Variants in PRR16 observed in about 807,000 individuals in gnomAD.
The protein encoded by PRR16 is proline rich 16.
PRR16 carries 6 observed loss-of-function variants against 18.2 expected under a neutral mutation model. That is an observed-to-expected ratio of 0.33 (90% CI 0.18 to 0.65). PRR16 has a LOEUF of 0.65. Among genes scored for constraint, PRR16 ranks in the 30% least tolerant of loss-of-function variants. PRR16 has a pLI of 0.74. For missense variants in PRR16, 412 were observed against 376.6 expected (o/e 1.09, Z -0.78); for synonymous variants, 151 against 147.8 (o/e 1.02, Z -0.16).
At chr5:120,745,644 C>CTTTGTTTTGT in the PRR16 span, among the ~76,000 whole-genome samples, 1 of 151,068 alleles carries the variant, frequency 6.6e-6, no homozygotes, top group Non-Finnish European at 1.5e-5. Flanking sequence ...GTGTTTGTTG[C>CTTTGTTTTGT]TTTGTTTTGT....
At chr5:120,697,661 A>C in the PRR16 span, among the ~76,000 whole-genome samples, 2 of 152,048 alleles carry the variant, frequency 1.3e-5, no homozygotes, top group African/African-American at 4.8e-5. Context: ...GAAGGGAGAT[A>C]AGGGTGGGGC....
chr5:120,522,642 G>A (rs147855261), intron 1 of PRR16, among the ~76,000 whole-genome samples: 3,454 of 152,252 alleles, frequency 0.023, 50 homozygotes, highest in Admixed American at 0.031. Flanking sequence ...GTCTCATTCT[G>A]TCGCCCAGGC....
At position 120,647,747 on chromosome 5, in the gene PRR16, G is replaced by T. The variant is rs559470030; in HGVS notation, c.160-38207G>T. On this transcript the variant is annotated intron_variant, in intron 1 of 1. Coordinates refer to ENST00000407149, the MANE Select transcript of PRR16 (RefSeq NM_001300783.2). ...CATTTTATACAGCCTAGAAAATGTT[G>T]CAGATCTTTGCATAAGTATCCACAT... 3.9e-5 allele frequency among the ~76,000 whole-genome samples: 6 copies of T among 152,076 alleles called. No individual in the cohort carries two copies. The East Asian group carries it at 1.2e-3, about 29-fold the overall frequency.
the PRR16 span, among the ~76,000 whole-genome samples, chr5:120,763,584 A>T: frequency 1.3e-5 from 2 of 152,036 alleles, no homozygotes; most frequent in East Asian, 3.9e-4. Context: ...TTTTATTTCT[A>T]TGAAAAATAA....
At chr5:120,702,304 A>G in the PRR16 span, among the ~76,000 whole-genome samples, 1 of 151,438 alleles carries the variant, frequency 6.6e-6, no homozygotes, top group Non-Finnish European at 1.5e-5. Flanking sequence ...GGGCGCCGAG[A>G]TAAGAGGTCG....
intron 1 of PRR16, among the ~76,000 whole-genome samples, chr5:120,510,107 A>G (rs1010751272): frequency 2.0e-5 from 3 of 152,132 alleles, no homozygotes; most frequent in African/African-American, 7.2e-5. Context: ...GTAAATACAC[A>G]TTTTGCTTTA....
intron 1 of PRR16, among the ~76,000 whole-genome samples, chr5:120,540,221 G>C (rs1751865927): frequency 6.6e-6 from 1 of 152,074 alleles, no homozygotes; most frequent in South Asian, 2.1e-4. Flanking sequence ...CCTCCCTTCA[G>C]GCCAGGACAC....
Position 120,490,089 on chromosome 5 carries a change from T to C in PRR16, c.159+25444T>C, listed in dbSNP as rs1357122708. On this transcript the variant is annotated intron_variant, in intron 1 of 1. Transcript: ENST00000407149. ...TCTCTCTGGCTGCCCTTAACCTTTT[T>C]TCCTTCATTTCAACTTTGGTGAGTC... is the stretch of plus-strand genomic sequence containing the variant. Among the ~76,000 whole-genome samples the C allele has an allele frequency of 2.0e-5, 3 of 152,154 alleles. No individual in the cohort carries two copies. In the East Asian group the frequency reaches 5.8e-4, roughly 29 times the overall value.
chr5:120,744,618 G>T, the PRR16 span, among the ~76,000 whole-genome samples: 11 of 152,086 alleles, frequency 7.2e-5, no homozygotes, highest in African/African-American at 2.4e-4. Flanking sequence ...AATTTTCAAT[G>T]TAAATTATCC....
At chr5:120,653,098 T>C (rs531258889) in intron 1 of PRR16, among the ~76,000 whole-genome samples, 165 of 152,130 alleles carry the variant, frequency 1.1e-3, no homozygotes, top group African/African-American at 3.9e-3. Context: ...AATTAATTCA[T>C]GCTATTATAA....
intron 1 of PRR16, among the ~76,000 whole-genome samples, chr5:120,633,630 G>T (rs889836230): frequency 6.6e-6 from 1 of 152,014 alleles, no homozygotes; most frequent in Non-Finnish European, 1.5e-5. Context: ...GACAAAGAGG[G>T]ACATTATATA....
At chr5:120,711,047 C>A in the PRR16 span, among the ~76,000 whole-genome samples, 1 of 152,092 alleles carries the variant, frequency 6.6e-6, no homozygotes, top group Admixed American at 6.6e-5. Flanking sequence ...GTCTTTCTCA[C>A]ATTGCATCAC....
chr5:120,681,466 A>G (rs538004864), intron 1 of PRR16, among the ~76,000 whole-genome samples: 1 of 152,264 alleles, frequency 6.6e-6, no homozygotes, highest in Non-Finnish European at 1.5e-5. Context: ...TTTTCCTAGT[A>G]TTTAGCTTCA....
chr5:120,755,067 CATT>C, the PRR16 span, among the ~76,000 whole-genome samples: 11 of 150,514 alleles, frequency 7.3e-5, no homozygotes, highest in African/African-American at 2.7e-4. Context: ...GGGAGGGTAA[CATT>C]AGGAGATATA....
the PRR16 span, among the ~76,000 whole-genome samples, chr5:120,712,411 T>C: frequency 1.3e-5 from 2 of 152,172 alleles, no homozygotes; most frequent in African/African-American, 4.8e-5. Context: ...TTGTACTGTT[T>C]CTATGTATTT....
the PRR16 span, among the ~76,000 whole-genome samples, chr5:120,759,625 G>C: frequency 8.6e-5 from 13 of 152,008 alleles, no homozygotes; most frequent in African/African-American, 3.1e-4. Context: ...TTATGTATTT[G>C]TCAAAACTCA....
the PRR16 span, among the ~76,000 whole-genome samples, chr5:120,788,674 G>C: frequency 1.3e-5 from 2 of 152,022 alleles, no homozygotes; most frequent in Non-Finnish European, 2.9e-5. Flanking sequence ...TTCTTGTACA[G>C]ATAAGTTCTT....
the PRR16 span, among the ~76,000 whole-genome samples, chr5:120,740,980 T>C: frequency 6.6e-6 from 1 of 152,056 alleles, no homozygotes; most frequent in Non-Finnish European, 1.5e-5. Context: ...CCTATTAATA[T>C]ATACCTCAAT....
chr5:120,742,375 CTT>C, the PRR16 span, among the ~76,000 whole-genome samples: 1 of 149,640 alleles, frequency 6.7e-6, no homozygotes, highest in South Asian at 2.1e-4. Flanking sequence ...TTATAATGCT[CTT>C]TTTCTCAGCT....
Sources: allele counts gnomAD v4.1 joint callset (sites outside exome capture counted in the v4.1 genomes callset), GRCh38; gene constraint gnomAD v4.1.1; transcripts MANE v1.5; gene names NCBI Gene and HGNC (gene_info 2026-07-23, HGNC 2026-07-21).